The following TPH2 variants were observed in gnomAD, a reference collection of about 807,000 sequenced individuals.
TPH2 encodes the protein tryptophan hydroxylase 2.
In TPH2, 27 loss-of-function variants were observed where a neutral mutation model predicts 59.1. The observed-to-expected ratio is 0.46, with a 90% confidence interval of 0.34 to 0.63. The LOEUF (loss-of-function observed/expected upper bound fraction) is 0.63, where lower values mean the gene tolerates loss of function less well. TPH2 is among the 30% of genes least tolerant of loss of function. The probability of loss-of-function intolerance (pLI) is 0.01; values close to 1 mark genes in which losing one functional copy is unlikely to be tolerated. For synonymous variants in TPH2, 220 were observed against 210.5 expected, an observed-to-expected ratio of 1.05 and a Z score of -0.39; for missense variants, 523 against 588.3, an observed-to-expected ratio of 0.89 and a Z score of 1.15.
chr12:71,983,773 C>G (rs138886555), intron 7 of TPH2, among the ~76,000 whole-genome samples: 10,330 of 147,894 alleles, frequency 0.07, 1,195 homozygotes, highest in African/African-American at 0.24. Context: ...GACAGACACA[C>G]ACAGAGAGAG....
intron 4 of TPH2, among the ~76,000 whole-genome samples, chr12:71,946,608 G>A (rs1167225638): frequency 2.6e-5 from 4 of 152,080 alleles, no homozygotes; most frequent in Non-Finnish European, 4.4e-5. Context: ...CACACCAAAT[G>A]TTCATTATAC....
intron 7 of TPH2, among the ~76,000 whole-genome samples, chr12:71,982,013 G>GTTTTTTTTT (rs1468983565): frequency 1.8e-5 from 1 of 55,672 alleles, no homozygotes; most frequent in East Asian, 4.2e-4. Flanking sequence ...CATATCATTC[G>GTTTTTTTTT]TATTTTTTTT....
intron 7 of TPH2, among the ~76,000 whole-genome samples, 157 bp downstream of exon 7, chr12:71,979,244 G>T (rs1872203910): frequency 6.6e-6 from 1 of 152,168 alleles, no homozygotes; most frequent in Non-Finnish European, 1.5e-5. Flanking sequence ...CTCACTGAAG[G>T]ATCAGACTCC....
intron 5 of TPH2, among the ~76,000 whole-genome samples, chr12:71,954,551 A>G (rs1871441436): frequency 1.3e-5 from 2 of 152,150 alleles, no homozygotes; most frequent in South Asian, 4.1e-4. Context: ...AGTTCAGAGG[A>G]AATGGAAGTG....
At chr12:72,020,833 A>T (rs911001499) in intron 8 of TPH2, among the ~76,000 whole-genome samples, 12 of 151,652 alleles carry the variant, frequency 7.9e-5, no homozygotes, top group Non-Finnish European at 1.5e-4. Context: ...AGGAAAAAAA[A>T]TTTTACTTCT....
chr12:71,994,620 AG>A lies in TPH2; in HGVS notation c.1068+56del, dbSNP rs1272233590. On this transcript the variant is annotated intron_variant, in intron 8 of 10. Transcript: ENST00000333850. ...CTATTTATGTCCATTTGTAAGGTAA[AG>A]AAAGCTTCAGGATTATTGACTATGA... 6 of 1,603,200 alleles carry A rather than the reference AG, an allele frequency of 3.7e-6. No homozygotes were observed. The East Asian group carries it at 1.3e-4, about 36-fold the overall frequency.
At chr12:72,017,264 A>AT (rs1349103182) in intron 8 of TPH2, among the ~76,000 whole-genome samples, 1 of 152,168 alleles carries the variant, frequency 6.6e-6, no homozygotes, top group African/African-American at 2.4e-5. Context: ...AGATGGCAGC[A>AT]TTGGGCGACC....
At chr12:71,967,533 G>A in intron 5 of TPH2, among the ~76,000 whole-genome samples, 1 of 152,176 alleles carries the variant, frequency 6.6e-6, no homozygotes, top group Non-Finnish European at 1.5e-5. Context: ...ACAGTGAATG[G>A]AAACTACTGA....
intron 8 of TPH2, among the ~76,000 whole-genome samples, chr12:72,000,139 A>G (rs1039204636): frequency 6.6e-6 from 1 of 152,248 alleles, no homozygotes; most frequent in Admixed American, 6.5e-5. Context: ...ATCTAGTTCA[A>G]AGAAGAATTT....
rs528882123 is a variant in TPH2 at position 72,015,433 on chromosome 12, T to C, written c.1069-6966T>C. ...CTTCCGGGTTCACGCCATTCTCCTG[T>C]CTCAGCCTCCTCAGTAGCTGGGACT... On this transcript the variant is annotated intron_variant, in intron 8 of 10. Coordinates refer to ENST00000333850, the MANE Select transcript of TPH2 (RefSeq NM_173353.4). 4.6e-5 allele frequency among the ~76,000 whole-genome samples: 7 copies of C among 150,998 alleles called. No individual in the cohort carries two copies. The East Asian group carries it at 5.9e-4, about 13-fold the overall frequency.
At chr12:72,000,434 C>T (rs532739850) in intron 8 of TPH2, among the ~76,000 whole-genome samples, 1 of 152,266 alleles carries the variant, frequency 6.6e-6, no homozygotes. Flanking sequence ...TACGAAGTAA[C>T]CTGAGGATCA....
intron 7 of TPH2, among the ~76,000 whole-genome samples, chr12:71,984,137 C>T (rs1488898168): frequency 1.3e-5 from 2 of 152,152 alleles, no homozygotes; most frequent in African/African-American, 2.4e-5. Context: ...CTTATATTGC[C>T]ATAATACAAT....
At chr12:71,982,829 C>T (rs1872322089) in intron 7 of TPH2, among the ~76,000 whole-genome samples, 1 of 152,120 alleles carries the variant, frequency 6.6e-6, no homozygotes, top group South Asian at 2.1e-4. Flanking sequence ...CATGAAGCAA[C>T]AAAAAATACA....
At chr12:72,026,798 A>T (rs1238443948) in intron 9 of TPH2, among the ~76,000 whole-genome samples, 1 of 152,206 alleles carries the variant, frequency 6.6e-6, no homozygotes, top group East Asian at 1.9e-4. Flanking sequence ...TCGCTAATTT[A>T]AAAAAGTGTA....
chr12:71,954,582 T>C (rs1359284266), intron 5 of TPH2, among the ~76,000 whole-genome samples: 2 of 152,146 alleles, frequency 1.3e-5, no homozygotes, highest in Admixed American at 6.5e-5. Flanking sequence ...AGATAGCCTG[T>C]GGAGGAAGAG....
chr12:71,979,168 G>C lies in TPH2; in HGVS notation c.941+81G>C, dbSNP rs1464098897. 3.2e-6 allele frequency: 5 copies of C among 1,576,860 alleles called. No individual in the cohort carries two copies. In the East Asian group the frequency reaches 6.7e-5, roughly 21 times the overall value. ...TTTACTTGAAAATGACTTAGGCCCT[G>C]TTTTACCTCCAAACTAATTTCCTTG... On this transcript the variant is annotated intron_variant, in intron 7 of 10. Coordinates refer to ENST00000333850, the MANE Select transcript of TPH2 (RefSeq NM_173353.4).
intron 8 of TPH2, among the ~76,000 whole-genome samples, chr12:71,998,659 C>T (rs1470921616): frequency 6.6e-6 from 1 of 152,122 alleles, no homozygotes; most frequent in Admixed American, 6.6e-5. Flanking sequence ...ATTAAGAGCT[C>T]AGGTCTTACT....
At chr12:71,994,958 T>G (rs1400743758) in intron 8 of TPH2, among the ~76,000 whole-genome samples, 4 of 145,778 alleles carry the variant, frequency 2.7e-5, no homozygotes, top group African/African-American at 9.7e-5. Context: ...GGTGGGCAGA[T>G]TTAGCCTGTG....
chr12:71,958,821 C>G (rs1399935893), intron 5 of TPH2, among the ~76,000 whole-genome samples: 1 of 152,090 alleles, frequency 6.6e-6, no homozygotes, highest in Non-Finnish European at 1.5e-5. Context: ...TAAAATTGCA[C>G]CCTTTGTGAT....
Sources: gnomAD v4.1 joint callset for allele counts (sites outside exome capture counted in the v4.1 genomes callset) on GRCh38, gnomAD v4.1.1 for gene constraint, MANE v1.5 for transcripts, NCBI Gene and HGNC (gene_info 2026-07-23, HGNC 2026-07-21) for gene names.